PRKX: variants seen among roughly 807,000 people sequenced by gnomAD.
The protein encoded by PRKX is cAMP-dependent protein kinase catalytic subunit PRKX.
A neutral mutation model predicts 22.0 loss-of-function variants in PRKX; 12 were observed. The ratio of observed to expected loss-of-function variants is 0.54; its 90% CI spans 0.35 to 0.88. The LOEUF is 0.88. PRKX is among the 40% of genes least tolerant of loss of function. The probability of loss-of-function intolerance (pLI) is 0.01; values close to 1 mark genes in which losing one functional copy is unlikely to be tolerated. For synonymous variants in PRKX, 134 were observed against 137.7 expected, an observed-to-expected ratio of 0.97 and a Z score of 0.19; for missense variants, 217 against 308.0, an observed-to-expected ratio of 0.70 and a Z score of 2.21.
rs180764541 is a variant in PRKX, at chrX:3,644,942, C to A, written c.600-2971G>T. 1.1e-4 allele frequency among the ~76,000 whole-genome samples: 12 copies of A among 111,567 alleles called. No individual in the cohort carries two copies. In the East Asian group the frequency reaches 2.8e-3, roughly 26 times the overall value. ...CTCCGTGTTAGGGTAAGGACACACA[C>A]CTGAGGTTGTATGAGGCTGTATAAG... On this transcript the variant is annotated intron_variant, in intron 3 of 8. Coordinates refer to ENST00000262848, the MANE Select transcript of PRKX (RefSeq NM_005044.5).
At chrX:3,693,732 T>TA (rs1281739527) in intron 1 of PRKX, among the ~76,000 whole-genome samples, 1 of 107,907 alleles carries the variant, frequency 9.3e-6, no homozygotes, top group Non-Finnish European at 1.9e-5. Flanking sequence ...GGTCAGGAGA[T>TA]AGAGACCATC....
At chrX:3,700,909 T>C (rs1162436777) in intron 1 of PRKX, among the ~76,000 whole-genome samples, 1 of 111,316 alleles carries the variant, frequency 9.0e-6, no homozygotes, top group Non-Finnish European at 1.9e-5. Context: ...AGCCCGAAAA[T>C]CAATGAAGTT....
chrX:3,626,736 T>C (rs1469221136), intron 4 of PRKX, among the ~76,000 whole-genome samples: 1 of 111,514 alleles, frequency 9.0e-6, no homozygotes, highest in African/African-American at 3.3e-5. Context: ...GGAAGCTCCC[T>C]TGGAGAGAAT....
At chrX:3,648,605 C>CGT (rs1569049318) in intron 3 of PRKX, among the ~76,000 whole-genome samples, 2,473 of 46,100 alleles carry the variant, frequency 0.054, 43 homozygotes, top group Non-Finnish European at 0.059. Flanking sequence ...TCTCTCTACT[C>CGT]CTGTGTGTGT....
rs376964424 is a variant in PRKX at position 3,664,171 on chromosome X, C to T, written c.336-8759G>A. Among the ~76,000 whole-genome samples, 24 of 111,995 alleles carry T rather than the reference C, an allele frequency of 2.1e-4. No homozygotes were observed. The East Asian group carries it at 5.4e-3, about 25-fold the overall frequency. On this transcript the variant is annotated intron_variant, in intron 2 of 8. Transcript: ENST00000262848. ...GCTGCACGCACTGGAAGACCTCCTC[C>T]GCACCAGCAGCGCATCCATGGCCCC...
At chrX:3,659,095 G>A (rs1031323479) in intron 2 of PRKX, among the ~76,000 whole-genome samples, 5 of 110,437 alleles carry the variant, frequency 4.5e-5, no homozygotes, top group African/African-American at 9.9e-5. Context: ...GCAAGATCCC[G>A]TCTCTACAAT....
chrX:3,624,283 A>G (rs1287504628), intron 5 of PRKX, among the ~76,000 whole-genome samples: 1 of 111,710 alleles, frequency 9.0e-6, no homozygotes, highest in Non-Finnish European at 1.9e-5. Flanking sequence ...AATGGGAAGA[A>G]GTGAACTGTC....
intron 8 of PRKX, chrX:3,611,070 G>C (rs367927233): frequency 2.7e-5 from 3 of 112,014 alleles, no homozygotes; most frequent in Non-Finnish European, 5.6e-5. Flanking sequence ...CACACTGAGA[G>C]GTGAAGCCAT....
At chrX:3,695,831 G>A (rs1265231761) in intron 1 of PRKX, among the ~76,000 whole-genome samples, 1 of 111,756 alleles carries the variant, frequency 8.9e-6, no homozygotes, top group East Asian at 2.8e-4. Context: ...GTTTTCCTAA[G>A]AATGACACAT....
At chrX:3,684,890 C>T (rs1324705348) in intron 1 of PRKX, among the ~76,000 whole-genome samples, 2 of 112,122 alleles carry the variant, frequency 1.8e-5, no homozygotes, top group Non-Finnish European at 3.8e-5. Flanking sequence ...GATCACAGCT[C>T]ACTGCAACCT....
At chrX:3,660,295 C>T (rs966416316) in intron 2 of PRKX, among the ~76,000 whole-genome samples, 13 of 111,867 alleles carry the variant, frequency 1.2e-4, no homozygotes, top group Admixed American at 9.6e-4. Context: ...AATTTAGCTA[C>T]GACTGACCAG....
chrX:3,607,229 T>C lies in PRKX; in HGVS notation c.*1740A>G, dbSNP rs1369340152. Reference sequence around the variant, plus strand: ...AAAAGCTTTTCCTTCTAGCTCCACATGTCGGTGCACAGTGTAACCTTTTCT... The same window carrying C: ...AAAAGCTTTTCCTTCTAGCTCCACACGTCGGTGCACAGTGTAACCTTTTCT... On this transcript the variant is annotated 3_prime_UTR_variant, in exon 9 of 9. Transcript: ENST00000262848. The C allele has an allele frequency of 8.9e-6, 1 of 112,099 alleles. No homozygotes were observed. Among genetic ancestry groups the C allele is most frequent in the African/African-American group, 3.2e-5 (1 of 30,823 alleles). The allele number at this position is 112,099 out of a possible 1,213,427, so 9.2% of individuals were successfully genotyped here. A position where few individuals can be genotyped will look rare whatever the true frequency, so the allele number is the denominator to read the frequency against.
At chrX:3,696,887 G>A (rs1045903666) in intron 1 of PRKX, among the ~76,000 whole-genome samples, 4 of 112,039 alleles carry the variant, frequency 3.6e-5, no homozygotes, top group Non-Finnish European at 7.5e-5. Context: ...AAGCATGGTG[G>A]CATGTGCCTG....
intron 6 of PRKX, among the ~76,000 whole-genome samples, chrX:3,618,411 A>G (rs1031750359): frequency 2.7e-5 from 3 of 111,298 alleles, no homozygotes; most frequent in African/African-American, 6.5e-5. Context: ...TGAGCTCAGG[A>G]GCTCGAGACC....
chrX:3,624,760 C>T (rs912064886), intron 5 of PRKX, among the ~76,000 whole-genome samples: 2 of 110,594 alleles, frequency 1.8e-5, no homozygotes, highest in African/African-American at 6.6e-5. Context: ...GCTGGGACTA[C>T]AGGCACTTGC....
chrX:3,632,064 A>T (rs1290069563), intron 4 of PRKX, among the ~76,000 whole-genome samples: 1 of 112,084 alleles, frequency 8.9e-6, no homozygotes, highest in Admixed American at 9.5e-5. Flanking sequence ...GGGAGAGGTG[A>T]CAGAGAAGTG....
At chrX:3,618,071 G>A (rs6641800) in intron 6 of PRKX, among the ~76,000 whole-genome samples, 4 of 91,384 alleles carry the variant, frequency 4.4e-5, no homozygotes, top group East Asian at 5.7e-4. Flanking sequence ...AAAAAAAAGA[G>A]AGAGAGAGAG....
At chrX:3,667,809 C>A (rs576006558) in intron 2 of PRKX, 2 of 111,043 alleles carry the variant, frequency 1.8e-5, no homozygotes, top group African/African-American at 6.5e-5. Context: ...TTGAGTTTCT[C>A]CCCCATGTCC....
At position 3,620,234 on chromosome X, in the gene PRKX, A is replaced by C. The variant is rs185019713; in HGVS notation, c.873+1025T>G. On this transcript the variant is annotated intron_variant, in intron 6 of 8. Coordinates refer to ENST00000262848, the MANE Select transcript of PRKX (RefSeq NM_005044.5). ...TAAACAAAACGAGGTCTGCCCACAC[A>C]ATCGAATACTATGCAGTCAGGAAAA... Among the ~76,000 whole-genome samples the C allele has an allele frequency of 1.5e-3, 166 of 112,311 alleles. 1 individual carries two copies. The highest frequency in any genetic ancestry group is 5.2e-3 in the African/African-American group (161 of 30,957).
Sources: allele counts gnomAD v4.1 joint callset (sites outside exome capture counted in the v4.1 genomes callset), GRCh38; gene constraint gnomAD v4.1.1; transcripts MANE v1.5; gene names NCBI Gene and HGNC (gene_info 2026-07-23, HGNC 2026-07-21).